Variants in ANO3 observed in about 807,000 individuals in gnomAD.
ANO3 encodes the protein anoctamin 3.
Under a neutral mutation model 144.8 loss-of-function variants are expected in ANO3, and 99 were observed. That is an observed-to-expected ratio of 0.68 (90% confidence interval 0.58 to 0.81). The LOEUF (loss-of-function observed/expected upper bound fraction) is 0.81. Among genes scored for constraint, ANO3 ranks in the 30% least tolerant of loss-of-function variants. ANO3 has a pLI of 0.00. For synonymous variants in ANO3, 414 were observed against 392.6 expected (o/e 1.05, Z -0.64); for missense variants, 905 against 1,202.2 (o/e 0.75, Z 3.66).
At position 26,322,542 on chromosome 11, in the gene ANO3, A is replaced by G. The variant is rs117799168; in HGVS notation, c.-3+12823A>G. On this transcript the variant is annotated intron_variant, in intron 1 of 26. Coordinates refer to the ANO3 transcript ENST00000525139. The stretch of plus-strand genomic sequence containing the variant: ...TTTCCTGCTTTTTGATGACATTGAC[A>G]GTTTTAAGGATTATTGGTCAGGTAT... 7.3e-3 allele frequency among the ~76,000 whole-genome samples: 1,116 copies of G among 152,142 alleles called. 10 individuals carry two copies. Among genetic ancestry groups the G allele is most frequent in the South Asian group, 0.026 (124 of 4,818 alleles).
At chr11:26,267,033 A>T (rs1259902548) in intron 1 of ANO3, among the ~76,000 whole-genome samples, 1 of 151,552 alleles carries the variant, frequency 6.6e-6, no homozygotes, top group East Asian at 2.0e-4. Context: ...CAGAGCTTGC[A>T]GTCAGCCGAG....
chr11:26,348,151 C>T (rs1855542887), intron 1 of ANO3, among the ~76,000 whole-genome samples: 1 of 152,028 alleles, frequency 6.6e-6, no homozygotes, highest in Admixed American at 6.6e-5. Flanking sequence ...ATTCCTGATC[C>T]TGATTTTGAA....
intron 8 of ANO3, among the ~76,000 whole-genome samples, chr11:26,532,241 T>A (rs1205714423): frequency 6.6e-6 from 1 of 152,168 alleles, no homozygotes; most frequent in Non-Finnish European, 1.5e-5. Flanking sequence ...ACTAGAAGCA[T>A]GCTTTCTAAT....
chr11:26,446,062 C>T (rs1858692384), intron 3 of ANO3, among the ~76,000 whole-genome samples: 2 of 152,108 alleles, frequency 1.3e-5, no homozygotes, highest in South Asian at 4.2e-4. Flanking sequence ...AAACTCCCAA[C>T]CTCAGGCAAT....
intron 1 of ANO3, among the ~76,000 whole-genome samples, chr11:26,316,653 T>A (rs60459752): frequency 0.024 from 3,633 of 152,282 alleles, 135 homozygotes; most frequent in African/African-American, 0.083. Flanking sequence ...ACAAGAGCCG[T>A]GGCAAGGTAA....
chr11:26,357,210 A>G (rs887385110), intron 1 of ANO3, among the ~76,000 whole-genome samples: 15 of 152,252 alleles, frequency 9.9e-5, no homozygotes, highest in African/African-American at 3.1e-4. Context: ...TAGTATGGAC[A>G]TATGATTTCC....
At chr11:26,492,989 T>C (rs1002010261) in intron 4 of ANO3, among the ~76,000 whole-genome samples, 2 of 152,200 alleles carry the variant, frequency 1.3e-5, no homozygotes, top group African/African-American at 4.8e-5. Context: ...AAGGTAAAGA[T>C]AAAGACACAA....
intron 1 of ANO3, among the ~76,000 whole-genome samples, chr11:26,432,498 T>C (rs1303155594): frequency 6.6e-6 from 1 of 152,246 alleles, no homozygotes; most frequent in African/African-American, 2.4e-5. Flanking sequence ...CATAATGGTA[T>C]TGGCTAGGTC....
intron 17 of ANO3, among the ~76,000 whole-genome samples, chr11:26,622,619 T>C (rs1320444517): frequency 6.6e-6 from 1 of 151,864 alleles, no homozygotes; most frequent in East Asian, 1.9e-4. Context: ...AATAAATAAA[T>C]AGTTAAAAAT....
At chr11:26,398,541 C>G (rs12791810) in intron 1 of ANO3, among the ~76,000 whole-genome samples, 2 of 151,794 alleles carry the variant, frequency 1.3e-5, no homozygotes, top group Non-Finnish European at 2.9e-5. Context: ...ATATTTCTTC[C>G]GTATATCTGA....
At chr11:26,595,457 G>GTTTTTTTTTTTTTTTTTTTTT (rs1411703035) in intron 14 of ANO3, among the ~76,000 whole-genome samples, 3 of 67,840 alleles carry the variant, frequency 4.4e-5, no homozygotes, top group African/African-American at 1.3e-4. Flanking sequence ...TTGAGATAGA[G>GTTTTTTTTTTTTTTTTTTTTT]TTGTTTTTTT....
chr11:26,563,819 T>C (rs1222055093), intron 14 of ANO3, among the ~76,000 whole-genome samples: 1 of 151,868 alleles, frequency 6.6e-6, no homozygotes, highest in Non-Finnish European at 1.5e-5. Flanking sequence ...TTCAGTGCCT[T>C]GCATATCAAG....
chr11:26,544,273 T>TACACACACACACAC (rs1554967702), intron 11 of ANO3, among the ~76,000 whole-genome samples: 3 of 58,544 alleles, frequency 5.1e-5, no homozygotes, highest in East Asian at 1.2e-3. Flanking sequence ...TATATATATA[T>TACACACACACACAC]ACACACATAC....
chr11:26,260,153 G>C (rs568446110), intron 1 of ANO3, among the ~76,000 whole-genome samples: 87 of 151,740 alleles, frequency 5.7e-4, no homozygotes, highest in African/African-American at 2.0e-3. Flanking sequence ...TTCTGGCACA[G>C]GCTTTTTGGG....
chr11:26,340,324 A>G (rs1013871792), intron 1 of ANO3, among the ~76,000 whole-genome samples: 6 of 152,194 alleles, frequency 3.9e-5, no homozygotes, highest in African/African-American at 1.2e-4. Context: ...GGTGGTGGCT[A>G]CTTTCTAAAT....
intron 1 of ANO3, among the ~76,000 whole-genome samples, chr11:26,412,795 A>AGTGTGT (rs60855252): frequency 0.067 from 9,403 of 140,120 alleles, 460 homozygotes; most frequent in African/African-American, 0.13. Flanking sequence ...GAGAAAGGAA[A>AGTGTGT]GTGTGTGTGT....
intron 1 of ANO3, among the ~76,000 whole-genome samples, chr11:26,310,019 CTG>C (rs1048479721): frequency 2.0e-5 from 3 of 152,144 alleles, no homozygotes; most frequent in Admixed American, 6.5e-5. Context: ...TCCAAAATAA[CTG>C]TGCAATCTCA....
intron 1 of ANO3, among the ~76,000 whole-genome samples, chr11:26,266,456 CAG>C (rs907814652): frequency 7.6e-6 from 1 of 131,698 alleles, no homozygotes; most frequent in African/African-American, 3.0e-5. Context: ...TTTTTTGAGA[CAG>C]AGTCTCACTC....
At chr11:26,301,556 G>A (rs1854232775) in intron 1 of ANO3, among the ~76,000 whole-genome samples, 1 of 152,092 alleles carries the variant, frequency 6.6e-6, no homozygotes, top group African/African-American at 2.4e-5. Flanking sequence ...ATTCCTAAAA[G>A]TAGAATGGAA....
Sources: allele counts gnomAD v4.1 joint callset (sites outside exome capture counted in the v4.1 genomes callset), GRCh38; gene constraint gnomAD v4.1.1; transcripts MANE v1.5; gene names NCBI Gene and HGNC (gene_info 2026-07-23, HGNC 2026-07-21).